REG4: variants seen among roughly 807,000 people sequenced by gnomAD.
The protein encoded by REG4 is regenerating islet-derived protein 4.
REG4 carries 16 observed loss-of-function variants against 22.3 expected under a neutral mutation model. The ratio of observed to expected loss-of-function variants is 0.72; its 90% CI spans 0.49 to 1.09. REG4 has a LOEUF of 1.09. Ranked by LOEUF, REG4 falls within the 50% of genes least tolerant of loss-of-function variation. REG4 has a pLI of 0.00. For missense variants in REG4, 214 were observed against 193.9 expected, an observed-to-expected ratio of 1.10 and a Z score of -0.61; for synonymous variants, 71 against 69.2, an observed-to-expected ratio of 1.03 and a Z score of -0.13.
At chr1:119,803,000 G>C in intron 3 of REG4, 68 bp downstream of exon 3, 1 of 1,603,820 alleles carries the variant, frequency 6.2e-7, no homozygotes, top group Non-Finnish European at 8.5e-7. Flanking sequence ...TGAATCAAAT[G>C]AGATCTGGGG....
At chr1:119,797,262 TTG>T (rs1383462439) in intron 5 of REG4, among the ~76,000 whole-genome samples, 2 of 152,202 alleles carry the variant, frequency 1.3e-5, no homozygotes, top group Non-Finnish European at 2.9e-5. Context: ...TTGGTTTTGG[TTG>T]TGTTTTTTCC....
rs1163042695 is a variant in REG4, at chr1:119,794,243, G to T, written c.*375C>A. 5.5e-6 allele frequency: 3 copies of T among 544,628 alleles called. No homozygotes were observed. Among genetic ancestry groups the T allele is most frequent in the Non-Finnish European group, 1.1e-5 (3 of 267,798 alleles). 33.7% of individuals were successfully genotyped at this position (544,628 alleles called of 1,614,324 possible). A position where few individuals can be genotyped will look rare whatever the true frequency, so the allele number is the denominator to read the frequency against. ...GGAGAGAGGGCAGAAGGGTGTAGAAGCTGAAGGGGTCTAGAAGCTTACTCC... is the reference window on the plus strand; with the variant it reads ...GGAGAGAGGGCAGAAGGGTGTAGAATCTGAAGGGGTCTAGAAGCTTACTCC... On this transcript the variant is annotated 3_prime_UTR_variant, in exon 6 of 6. Coordinates refer to ENST00000256585, the MANE Select transcript of REG4 (RefSeq NM_032044.4).
At chr1:119,794,999 C>A (rs1653893912) in intron 5 of REG4, among the ~76,000 whole-genome samples, 1 of 152,198 alleles carries the variant, frequency 6.6e-6, no homozygotes, top group Admixed American at 6.5e-5. Context: ...TGCCTCCAGA[C>A]CGTCTTTGGA....
At chr1:119,807,102 T>C (rs994478540) in intron 2 of REG4, among the ~76,000 whole-genome samples, 1 of 152,220 alleles carries the variant, frequency 6.6e-6, no homozygotes, top group Non-Finnish European at 1.5e-5. Flanking sequence ...TTGCTCTATG[T>C]CTCTCCACTC....
At chr1:119,810,236 T>A (rs587616433) in intron 1 of REG4, among the ~76,000 whole-genome samples, 93 of 152,326 alleles carry the variant, frequency 6.1e-4, no homozygotes, top group Non-Finnish European at 1.1e-3. Flanking sequence ...TATTTATCAC[T>A]GTTCTATTTT....
chr1:119,794,717 T>C, intron 5 of REG4, 32 bp from the exon 6 acceptor site: 1 of 1,588,710 alleles, frequency 6.3e-7, no homozygotes. Context: ...TTTAAATCCA[T>C]TCAGTACTAT....
intron 4 of REG4, 133 bp downstream of exon 4, chr1:119,799,592 T>G (rs1992377): frequency 8.6e-7 from 1 of 1,165,208 alleles, no homozygotes; most frequent in Non-Finnish European, 1.2e-6. Context: ...GACTTTGGTC[T>G]CCGTCAGCTG....
At chr1:119,804,143 C>T (rs373029527) in intron 2 of REG4, among the ~76,000 whole-genome samples, 5 of 152,166 alleles carry the variant, frequency 3.3e-5, no homozygotes, top group Non-Finnish European at 7.3e-5. Context: ...TATGTGGCTA[C>T]CTTCTGACAC....
intron 5 of REG4, among the ~76,000 whole-genome samples, chr1:119,798,045 A>G (rs1653982784): frequency 6.6e-6 from 1 of 152,114 alleles, no homozygotes; most frequent in Non-Finnish European, 1.5e-5. Context: ...AGGGAAACAG[A>G]CAGAAGGGAA....
intron 5 of REG4, among the ~76,000 whole-genome samples, chr1:119,796,334 C>G (rs777530194): frequency 6.6e-6 from 1 of 152,132 alleles, no homozygotes; most frequent in Non-Finnish European, 1.5e-5. Flanking sequence ...TTAAATGTCT[C>G]AAAGTGGACC....
intron 4 of REG4, among the ~76,000 whole-genome samples, 170 bp downstream of exon 4, chr1:119,799,555 G>A (rs1449525419): frequency 6.6e-6 from 1 of 152,204 alleles, no homozygotes; most frequent in Non-Finnish European, 1.5e-5. Context: ...CCTCCACCGA[G>A]GGCCAGAACT....
chr1:119,806,982 G>A (rs893783154), intron 2 of REG4, among the ~76,000 whole-genome samples: 4 of 152,154 alleles, frequency 2.6e-5, no homozygotes, highest in Non-Finnish European at 4.4e-5. Flanking sequence ...GGAATTGTTC[G>A]ACAAATAGTA....
chr1:119,810,439 G>C (rs1654460346), intron 1 of REG4, among the ~76,000 whole-genome samples: 1 of 152,104 alleles, frequency 6.6e-6, no homozygotes, highest in Admixed American at 6.5e-5. Flanking sequence ...GACTTTTCTG[G>C]AAAATCAATT....
chr1:119,807,165 G>A (rs748487756), intron 2 of REG4, among the ~76,000 whole-genome samples: 21 of 152,318 alleles, frequency 1.4e-4, no homozygotes, highest in African/African-American at 4.8e-4. Context: ...TCAGGACAAA[G>A]AACTCACTGT....
intron 4 of REG4, 66 bp downstream of exon 4, chr1:119,799,659 T>C (rs1654038948): frequency 1.3e-6 from 2 of 1,582,672 alleles, no homozygotes; most frequent in African/African-American, 2.7e-5. Flanking sequence ...CGGGAGGCCA[T>C]TCCCCAAAAA....
chr1:119,804,027 C>T (rs1654210800), intron 2 of REG4, among the ~76,000 whole-genome samples: 1 of 152,094 alleles, frequency 6.6e-6, no homozygotes, highest in Non-Finnish European at 1.5e-5. Flanking sequence ...GGTGAATGTG[C>T]CATGTCACTG....
intron 4 of REG4, among the ~76,000 whole-genome samples, chr1:119,799,185 C>T (rs1654023319): frequency 6.6e-6 from 1 of 151,896 alleles, no homozygotes; most frequent in South Asian, 2.1e-4. Context: ...ACTGAAGACC[C>T]CACACCTAGA....
chr1:119,794,409 G>T lies in REG4; in HGVS notation c.*209C>A. ...AGGGAAGAAGGATACTGTGGAAAGG[G>T]ATGGCGGGGCAAACATTTAGAGCTA... On this transcript the variant is annotated 3_prime_UTR_variant, in exon 6 of 6. Transcript: ENST00000256585. 1.6e-6 allele frequency: 1 copy of T among 635,530 alleles called. No homozygotes were observed. Among genetic ancestry groups the T allele is most frequent in the Non-Finnish European group, 2.9e-6 (1 of 349,978 alleles). 39.4% of individuals were successfully genotyped at this position (635,530 alleles called of 1,614,324 possible).
chr1:119,806,724 G>T (rs587648141), intron 2 of REG4, among the ~76,000 whole-genome samples: 2 of 152,228 alleles, frequency 1.3e-5, no homozygotes, highest in South Asian at 4.2e-4. Flanking sequence ...TGGTGCTAGA[G>T]CTCGTCATCT....
Sources: gnomAD v4.1 joint callset for allele counts (sites outside exome capture counted in the v4.1 genomes callset) on GRCh38, gnomAD v4.1.1 for gene constraint, MANE v1.5 for transcripts, NCBI Gene and HGNC (gene_info 2026-07-23, HGNC 2026-07-21) for gene names.